Variants in KIAA1549L observed in about 807,000 individuals in gnomAD.
KIAA1549L encodes UPF0606 protein KIAA1549L.
KIAA1549L carries 88 observed loss-of-function variants against 160.7 expected under a neutral mutation model. The observed-to-expected ratio is 0.55, with a 90% CI of 0.46 to 0.65. KIAA1549L has a LOEUF of 0.65. Among genes scored for constraint, KIAA1549L ranks in the 30% least tolerant of loss-of-function variants. The probability of loss-of-function intolerance (pLI) is 0.00; values close to 1 mark genes in which losing one functional copy is unlikely to be tolerated. For synonymous variants in KIAA1549L, 950 were observed against 976.7 expected (o/e 0.97, Z 0.51); for missense variants, 2,258 against 2,437.5 (o/e 0.93, Z 1.55).
intron 18 of KIAA1549L, among the ~76,000 whole-genome samples, chr11:33,657,681 C>T (rs1564945252): frequency 6.6e-6 from 1 of 152,138 alleles, no homozygotes; most frequent in African/African-American, 2.4e-5. Flanking sequence ...CCTATAATCC[C>T]GGCTACTTGG....
intron 3 of KIAA1549L, among the ~76,000 whole-genome samples, chr11:33,546,495 C>T (rs1854269142): frequency 6.6e-6 from 1 of 152,176 alleles, no homozygotes; most frequent in Non-Finnish European, 1.5e-5. Context: ...CTGGATACCC[C>T]TTCTCTCCAT....
intron 9 of KIAA1549L, among the ~76,000 whole-genome samples, chr11:33,570,416 A>G (rs1252046527): frequency 6.6e-6 from 1 of 152,056 alleles, no homozygotes; most frequent in Non-Finnish European, 1.5e-5. Flanking sequence ...GAGGGTGTAG[A>G]TCACCTTGTA....
At chr11:33,464,947 A>C (rs938381157) in intron 1 of KIAA1549L, among the ~76,000 whole-genome samples, 1 of 151,922 alleles carries the variant, frequency 6.6e-6, no homozygotes, top group Non-Finnish European at 1.5e-5. Flanking sequence ...GAATCTAAGA[A>C]CATGCCTTGG....
chr11:33,506,943 G>A (rs984655621), intron 1 of KIAA1549L, among the ~76,000 whole-genome samples: 2 of 152,142 alleles, frequency 1.3e-5, no homozygotes, highest in Admixed American at 6.6e-5. Context: ...GCCAAGGAGG[G>A]CATGGTGCTT....
intron 1 of KIAA1549L, among the ~76,000 whole-genome samples, chr11:33,491,739 T>G (rs1852668439): frequency 6.6e-6 from 1 of 152,216 alleles, no homozygotes. Flanking sequence ...GTCAGTCCAC[T>G]TTGTAAAGGC....
At chr11:33,496,690 T>TGCCCAGCA (rs1852828495) in intron 1 of KIAA1549L, among the ~76,000 whole-genome samples, 1 of 152,172 alleles carries the variant, frequency 6.6e-6, no homozygotes, top group Non-Finnish European at 1.5e-5. Context: ...ACTGCCCAGC[T>TGCCCAGCA]GCCCAGCACT....
At chr11:33,377,137 C>G (rs1432939202) in intron 1 of KIAA1549L, among the ~76,000 whole-genome samples, 1 of 152,150 alleles carries the variant, frequency 6.6e-6, no homozygotes, top group East Asian at 1.9e-4. Context: ...CCCGCAGGCA[C>G]GCTTTATTTA....
At chr11:33,561,843 C>T in intron 8 of KIAA1549L, 108 bp downstream of exon 8, 1 of 793,946 alleles carries the variant, frequency 1.3e-6, no homozygotes, top group South Asian at 1.6e-5. Context: ...TTGCTCCTGT[C>T]TTATAAGTCA....
chr11:33,633,246 G>A (rs1421795558), intron 16 of KIAA1549L, among the ~76,000 whole-genome samples: 1 of 138,240 alleles, frequency 7.2e-6, no homozygotes, highest in African/African-American at 2.7e-5. Context: ...TGATCTGCCC[G>A]CCTCTTTCTC....
At chr11:33,576,679 G>C (rs183084714) in intron 10 of KIAA1549L, among the ~76,000 whole-genome samples, 1 of 152,166 alleles carries the variant, frequency 6.6e-6, no homozygotes. Context: ...AGTCAACGGC[G>C]CAAGATAATG....
chr11:33,632,606 T>A (rs1420103894), intron 16 of KIAA1549L, among the ~76,000 whole-genome samples: 1 of 152,094 alleles, frequency 6.6e-6, no homozygotes, highest in Non-Finnish European at 1.5e-5. Context: ...GAGAGACAGA[T>A]CTTGCTCTGT....
intron 1 of KIAA1549L, among the ~76,000 whole-genome samples, chr11:33,432,294 C>T (rs1851266225): frequency 6.6e-6 from 1 of 152,234 alleles, no homozygotes; most frequent in Non-Finnish European, 1.5e-5. Flanking sequence ...ACTGCCAGCA[C>T]ACTGTCACCT....
chr11:33,632,215 T>C (rs1297517389), intron 16 of KIAA1549L, among the ~76,000 whole-genome samples: 2 of 152,228 alleles, frequency 1.3e-5, no homozygotes, highest in Non-Finnish European at 2.9e-5. Context: ...CACAGGTCTG[T>C]GTTCCCTTGT....
chr11:33,488,815 T>G (rs572428424), intron 1 of KIAA1549L, among the ~76,000 whole-genome samples: 1 of 152,350 alleles, frequency 6.6e-6, no homozygotes, highest in African/African-American at 2.4e-5. Context: ...AGTTTTATTC[T>G]TATTTCTATT....
At chr11:33,563,558 C>A (rs1421758537) in intron 8 of KIAA1549L, among the ~76,000 whole-genome samples, 1 of 152,066 alleles carries the variant, frequency 6.6e-6, no homozygotes, top group African/African-American at 2.4e-5. Context: ...GGACTGTACA[C>A]CCCTGCTGGA....
At chr11:33,446,633 CA>C (rs1397959840) in intron 1 of KIAA1549L, among the ~76,000 whole-genome samples, 1 of 152,088 alleles carries the variant, frequency 6.6e-6, no homozygotes, top group Non-Finnish European at 1.5e-5. Context: ...GCTAGGACTG[CA>C]GACATCTAAA....
chr11:33,396,451 G>T (rs570070843), intron 1 of KIAA1549L, among the ~76,000 whole-genome samples: 1 of 152,184 alleles, frequency 6.6e-6, no homozygotes, highest in Admixed American at 6.5e-5. Flanking sequence ...GGATTTTGCT[G>T]GTAGAATTTC....
intron 15 of KIAA1549L, among the ~76,000 whole-genome samples, chr11:33,617,789 G>GGATGGA (rs1564926409): frequency 5.0e-4 from 75 of 149,040 alleles, no homozygotes; most frequent in African/African-American, 1.8e-3. Context: ...GGAAGCCTCG[G>GGATGGA]TGGATGGATG....
chr11:33,465,305 C>T (rs767769654), intron 1 of KIAA1549L, among the ~76,000 whole-genome samples: 35 of 152,104 alleles, frequency 2.3e-4, no homozygotes, highest in Non-Finnish European at 4.7e-4. Context: ...CCATCTGCCT[C>T]GGCCTCCTAA....
Sources: gnomAD v4.1 joint callset for allele counts (sites outside exome capture counted in the v4.1 genomes callset) on GRCh38, gnomAD v4.1.1 for gene constraint, MANE v1.5 for transcripts, NCBI Gene and HGNC (gene_info 2026-07-23, HGNC 2026-07-21) for gene names.